The following NIPBL variants were observed in gnomAD, a reference collection of about 807,000 sequenced individuals.
The protein encoded by NIPBL is nipped-B-like protein.
NIPBL carries 19 observed loss-of-function variants against 321.8 expected under a neutral mutation model. That is an observed-to-expected ratio of 0.06 (90% CI 0.04 to 0.09). The LOEUF (loss-of-function observed/expected upper bound fraction) is 0.09. Among genes scored for constraint, NIPBL ranks in the 10% least tolerant of loss-of-function variants. The probability of loss-of-function intolerance (pLI) is 1.00; values close to 1 mark genes in which losing one functional copy is unlikely to be tolerated. For missense variants in NIPBL, 2,210 were observed against 3,327.0 expected, an observed-to-expected ratio of 0.66 and a Z score of 8.26; for synonymous variants, 1,106 against 1,114.1, an observed-to-expected ratio of 0.99 and a Z score of 0.14.
In NIPBL at chr5:36,953,614, G is replaced by A; in HGVS notation, c.-79-4G>A. 1 of 1,014,872 alleles carries A rather than the reference G, an allele frequency of 9.9e-7. No homozygotes were observed. Among genetic ancestry groups the A allele is most frequent in the South Asian group, 1.3e-5 (1 of 79,162 alleles). The allele number at this position is 1,014,872 out of a possible 1,614,324, so 62.9% of individuals were successfully genotyped here. A position where few individuals can be genotyped will look rare whatever the true frequency, so the allele number is the denominator to read the frequency against. ...CAAATAATTGTCTGTTTTGTGTGTT[G>A]CAGTGTTTGGGAAATGGGAAGTAAT... is the stretch of plus-strand genomic sequence containing the variant. On this transcript the variant is annotated splice_polypyrimidine_tract_variant and splice_region_variant and intron_variant, in intron 1 of 46. Transcript: ENST00000282516.
intron 14 of NIPBL, among the ~76,000 whole-genome samples, chr5:37,001,875 G>A (rs1021314457): frequency 6.6e-6 from 1 of 152,110 alleles, no homozygotes; most frequent in Admixed American, 6.5e-5. Flanking sequence ...AGCTGGTAAA[G>A]TAAGTATTTG....
intron 1 of NIPBL, among the ~76,000 whole-genome samples, chr5:36,950,661 C>G (rs927907297): frequency 6.6e-6 from 1 of 152,044 alleles, no homozygotes; most frequent in African/African-American, 2.4e-5. Flanking sequence ...AGTTTTAAAG[C>G]CCTCATTAAA....
intron 1 of NIPBL, among the ~76,000 whole-genome samples, chr5:36,943,137 T>G (rs1739297809): frequency 6.6e-6 from 1 of 152,164 alleles, no homozygotes; most frequent in Admixed American, 6.5e-5. Flanking sequence ...GTGGAACCTG[T>G]GAATACGGAA....
chr5:36,956,758 G>A (rs891604312), intron 3 of NIPBL, among the ~76,000 whole-genome samples: 2 of 150,646 alleles, frequency 1.3e-5, no homozygotes, highest in African/African-American at 4.9e-5. Context: ...CTGAGTAGCT[G>A]GGATTACAGG....
At chr5:36,927,442 T>C (rs564073497) in intron 1 of NIPBL, among the ~76,000 whole-genome samples, 3 of 152,168 alleles carry the variant, frequency 2.0e-5, no homozygotes, top group Non-Finnish European at 4.4e-5. Flanking sequence ...GAATCTCTGA[T>C]TGCTATGTTT....
chr5:37,052,475 T>C lies in NIPBL; in HGVS notation c.7172T>C (p.Leu2391Ser). Residue 2391 changes from leucine to serine, a missense_variant, in exon 42 of 47, where the codon TTG becomes TCG. By Grantham distance (145) the Leu-to-Ser change is moderately radical (BLOSUM62 -2). Around this residue, in one of 14 missense-constraint regions of NIPBL, gnomAD observed 112 missense variants for 288.3 expected, o/e 0.39. Transcript: ENST00000282516. ...AGACAAGACGAGTCCTCTAGCGCTT[T>C]GTGTTCACACCTTTACTCCATGATC... ...GFRQDESSSA[L>S]CSHLYSMIRG... is the part of the protein sequence containing the mutation. The C allele has an allele frequency of 2.5e-6, 4 of 1,614,178 alleles. No homozygotes were observed. The highest frequency in any genetic ancestry group is 2.5e-6 in the Non-Finnish European group (3 of 1,180,012).
chr5:37,027,319 TA>T (rs745381040), intron 31 of NIPBL, 39 bp from the exon 32 acceptor site: 7 of 1,413,720 alleles, frequency 5.0e-6, no homozygotes, highest in African/African-American at 1.4e-5. Flanking sequence ...TTCACATTTA[TA>T]AATATACTTC....
intron 1 of NIPBL, among the ~76,000 whole-genome samples, chr5:36,928,320 A>G (rs974603222): frequency 8.5e-5 from 13 of 152,298 alleles, no homozygotes; most frequent in Middle Eastern, 3.4e-3. Flanking sequence ...TGCTTTGCCT[A>G]TTCTTCTCAA....
intron 1 of NIPBL, among the ~76,000 whole-genome samples, chr5:36,901,179 A>G (rs1747181098): frequency 1.3e-5 from 2 of 152,176 alleles, no homozygotes; most frequent in Non-Finnish European, 2.9e-5. Context: ...CCCACTTACA[A>G]GAGATAACAT....
intron 20 of NIPBL, among the ~76,000 whole-genome samples, chr5:37,009,435 A>G (rs569123731): frequency 1.3e-5 from 2 of 152,334 alleles, no homozygotes; most frequent in East Asian, 1.9e-4. Context: ...GACGTGGCAT[A>G]TAGGATTGTT....
chr5:36,895,131 C>G (rs1276438948), intron 1 of NIPBL, among the ~76,000 whole-genome samples: 2 of 152,212 alleles, frequency 1.3e-5, no homozygotes, highest in Non-Finnish European at 2.9e-5. Flanking sequence ...CAAAAAACCA[C>G]GTTTCCATTA....
At chr5:36,950,601 TCTA>T (rs1740177847) in intron 1 of NIPBL, among the ~76,000 whole-genome samples, 1 of 152,148 alleles carries the variant, frequency 6.6e-6, no homozygotes, top group African/African-American at 2.4e-5. Flanking sequence ...TATTTTATAA[TCTA>T]CTAATCAGTC....
Position 36,876,857 on chromosome 5 carries a change from C to T in NIPBL, c.-401C>T. 6.0e-6 allele frequency: 1 copy of T among 165,670 alleles called. No individual in the cohort carries two copies. Among genetic ancestry groups the T allele is most frequent in the Non-Finnish European group, 1.2e-5 (1 of 83,606 alleles). 10.3% of individuals were successfully genotyped at this position (165,670 alleles called of 1,614,324 possible). Reference sequence around the variant, plus strand: ...CCTCCCCCCCCTCCCTCCGTCGGTACCGACTCACCCGACACCACCAAGCCG... The same window carrying T: ...CCTCCCCCCCCTCCCTCCGTCGGTATCGACTCACCCGACACCACCAAGCCG... On this transcript the variant is annotated 5_prime_UTR_variant, in exon 1 of 47. Transcript: ENST00000282516.
Position 36,962,158 on chromosome 5 carries a change from G to C in NIPBL, c.494G>C (p.Arg165Thr), listed in dbSNP as rs1355970346. 1 of 1,614,120 alleles carries C rather than the reference G, an allele frequency of 6.2e-7. No homozygotes were observed. The highest frequency in any genetic ancestry group is 2.2e-5 in the East Asian group (1 of 44,878). Reference sequence around the variant, plus strand: ...CCACCACAGACAAGCTCTGGGAACAGATTTATGCCACAGCAAAATAGCCCA... The same window carrying C: ...CCACCACAGACAAGCTCTGGGAACACATTTATGCCACAGCAAAATAGCCCA... ...FVPPQTSSGN[R>T]FMPQQNSPVP... The change falls in exon 6 of 47, where the codon AGA becomes ACA. Residue 165 changes from arginine to threonine, a missense_variant. This residue lies in a region of NIPBL where 464 missense variants were observed against 529.5 expected (regional missense o/e 0.88). Coordinates refer to ENST00000282516, the MANE Select transcript of NIPBL (RefSeq NM_133433.4).
intron 10 of NIPBL, among the ~76,000 whole-genome samples, chr5:36,990,918 A>G (rs1745432247): frequency 6.6e-6 from 1 of 152,082 alleles, no homozygotes; most frequent in South Asian, 2.1e-4. Context: ...GGAGCTAGCA[A>G]ATATTAATTC....
chr5:37,034,760 G>A (rs1328004717), intron 32 of NIPBL, among the ~76,000 whole-genome samples: 1 of 152,188 alleles, frequency 6.6e-6, no homozygotes, highest in Non-Finnish European at 1.5e-5. Context: ...AGGAAAATGG[G>A]ATAAGGGAAG....
At chr5:36,900,307 A>G (rs957760773) in intron 1 of NIPBL, among the ~76,000 whole-genome samples, 8 of 152,214 alleles carry the variant, frequency 5.3e-5, no homozygotes, top group Non-Finnish European at 1.2e-4. Context: ...GATGTAAAGT[A>G]TACAGGAAGG....
chr5:37,022,168 T>G lies in NIPBL; in HGVS notation c.5427+19T>G, dbSNP rs1316921759. On this transcript the variant is annotated intron_variant, in intron 28 of 46. Transcript: ENST00000282516. The stretch of plus-strand genomic sequence containing the variant: ...AGCAAGGGTAAAGAGCAAAAATGAT[T>G]CTTTCTTTTCTACTCGAATTGGAAT... The G allele has an allele frequency of 6.2e-7, 1 of 1,613,266 alleles. No individual in the cohort carries two copies. Among genetic ancestry groups the G allele is most frequent in the Non-Finnish European group, 8.5e-7 (1 of 1,179,336 alleles).
chr5:37,016,682 C>T lies in NIPBL; in HGVS notation c.4777-337C>T, dbSNP rs199712942. Reference sequence around the variant, plus strand: ...AATGGGAAAATATGTTAATATTATTCGGAAACTATAATAACTTTTCATAGG... The same window carrying T: ...AATGGGAAAATATGTTAATATTATTTGGAAACTATAATAACTTTTCATAGG... On this transcript the variant is annotated intron_variant, in intron 23 of 46. Coordinates refer to ENST00000282516, the MANE Select transcript of NIPBL (RefSeq NM_133433.4). 5.9e-5 allele frequency among the ~76,000 whole-genome samples: 9 copies of T among 152,072 alleles called. No homozygotes were observed. In the East Asian group the frequency reaches 1.5e-3, roughly 26 times the overall value.
Sources: allele counts gnomAD v4.1 joint callset (sites outside exome capture counted in the v4.1 genomes callset), GRCh38; gene constraint gnomAD v4.1.1; regional missense constraint gnomAD v4.1.1; transcripts MANE v1.5; gene names NCBI Gene and HGNC (gene_info 2026-07-23, HGNC 2026-07-21).